The following DECR1 variants were observed in gnomAD, a reference collection of about 807,000 sequenced individuals.
DECR1 encodes the protein 2,4-dienoyl-CoA reductase 1, also known as 2,4-dienoyl-CoA reductase [(3E)-enoyl-CoA-producing], mitochondrial.
A neutral mutation model predicts 38.8 loss-of-function variants in DECR1; 44 were observed. The observed-to-expected ratio is 1.13, with a 90% CI of 0.89 to 1.46. The LOEUF (loss-of-function observed/expected upper bound fraction) is 1.46, where lower values mean the gene tolerates loss of function less well. DECR1 is among the 40% of genes most tolerant of loss of function. DECR1 has a pLI of 0.00. For synonymous variants in DECR1, 148 were observed against 135.2 expected, an observed-to-expected ratio of 1.09 and a Z score of -0.66; for missense variants, 428 against 405.5, an observed-to-expected ratio of 1.06 and a Z score of -0.48.
intron 6 of DECR1, among the ~76,000 whole-genome samples, chr8:90,039,018 G>A (rs1363674748): frequency 6.6e-6 from 1 of 152,098 alleles, no homozygotes; most frequent in African/African-American, 2.4e-5. Context: ...AACTGATTTG[G>A]TGCTGCTTTT....
chr8:90,021,032 A>G lies in DECR1; in HGVS notation c.541A>G (p.Lys181Glu). Residue 181 changes from lysine (K) to glutamate (E), a missense_variant, in exon 5 of 10, where the codon AAA (lysine) becomes GAA (glutamate). Coordinates refer to ENST00000220764, the MANE Select transcript of DECR1 (RefSeq NM_001359.2). ...AGCCTTCGTGACACTAGAAATTGGA[A>G]AACAACTAATTAAAGCACAGAAAGG... ...GTAFVTLEIGKQLIKAQKGAA... is the reference protein window; with the variant it reads ...GTAFVTLEIGEQLIKAQKGAA... 1 of 1,589,400 alleles carries G rather than the reference A, an allele frequency of 6.3e-7. No homozygotes were observed. Among genetic ancestry groups the G allele is most frequent in the South Asian group, 1.2e-5 (1 of 85,622 alleles).
Position 90,003,756 on chromosome 8 carries a change from A to G in DECR1, c.69+2195A>G, listed in dbSNP as rs901497878. ...AGAGATCAAGACTATCCTGGCCAACATGGTGAAACCCTGTCTCTAGTAAAA... is the reference window on the plus strand; with the variant it reads ...AGAGATCAAGACTATCCTGGCCAACGTGGTGAAACCCTGTCTCTAGTAAAA... On this transcript the variant is annotated intron_variant, in intron 1 of 9. Coordinates refer to ENST00000220764, the MANE Select transcript of DECR1 (RefSeq NM_001359.2). Among the ~76,000 whole-genome samples, 6 of 152,136 alleles carry G rather than the reference A, an allele frequency of 3.9e-5. 1 individual carries two copies. Among genetic ancestry groups the G allele is most frequent in the South Asian group, 4.1e-4 (2 of 4,824 alleles).
chr8:90,026,387 G>T (rs188083304), intron 5 of DECR1, among the ~76,000 whole-genome samples: 4 of 152,194 alleles, frequency 2.6e-5, no homozygotes, highest in African/African-American at 4.8e-5. Flanking sequence ...TTTAATTATT[G>T]CCTCAATTTC....
At chr8:90,048,368 C>T (rs946604922) in intron 8 of DECR1, among the ~76,000 whole-genome samples, 4 of 152,030 alleles carry the variant, frequency 2.6e-5, no homozygotes, top group African/African-American at 9.7e-5. Flanking sequence ...CCACCTATCC[C>T]ACAGAGATAC....
intron 8 of DECR1, among the ~76,000 whole-genome samples, chr8:90,046,556 A>T (rs1275556249): frequency 1.3e-5 from 2 of 152,238 alleles, no homozygotes; most frequent in African/African-American, 4.8e-5. Context: ...GACCAAATCT[A>T]CGTCTGATTG....
chr8:90,049,155 A>T (rs1253612839), intron 8 of DECR1, among the ~76,000 whole-genome samples: 5 of 152,232 alleles, frequency 3.3e-5, no homozygotes, highest in African/African-American at 1.2e-4. Context: ...CCTATTCAAC[A>T]TAGTGTTGGA....
chr8:90,020,686 T>C (rs926806932), intron 4 of DECR1, among the ~76,000 whole-genome samples: 1 of 152,196 alleles, frequency 6.6e-6, no homozygotes, highest in Admixed American at 6.5e-5. Context: ...AATAAGAGAA[T>C]CTACCCTAAT....
At chr8:90,015,736 C>A in intron 1 of DECR1, 1 of 448,018 alleles carries the variant, frequency 2.2e-6, no homozygotes, top group Non-Finnish European at 4.5e-6. Flanking sequence ...ACATAACCTC[C>A]CTGGTGTGAC....
At chr8:90,028,386 T>A (rs915478606) in intron 5 of DECR1, among the ~76,000 whole-genome samples, 14 of 152,016 alleles carry the variant, frequency 9.2e-5, no homozygotes, top group African/African-American at 3.4e-4. Context: ...TCTTAAAAAA[T>A]TTTTTTTGCT....
chr8:90,038,614 AC>A (rs763292405), intron 6 of DECR1, among the ~76,000 whole-genome samples: 17 of 151,862 alleles, frequency 1.1e-4, no homozygotes, highest in Non-Finnish European at 2.4e-4. Context: ...ATATGCCACC[AC>A]ACCTGGCTAA....
chr8:90,044,760 G>A, intron 7 of DECR1, 89 bp from the exon 8 acceptor site: 2 of 1,373,482 alleles, frequency 1.5e-6, no homozygotes, highest in Non-Finnish European at 2.0e-6. Flanking sequence ...CTGCATGGCA[G>A]CATGCCATTT....
chr8:90,012,156 CTT>C (rs1170178816), intron 1 of DECR1, among the ~76,000 whole-genome samples: 14 of 138,614 alleles, frequency 1.0e-4, no homozygotes, highest in Non-Finnish European at 9.5e-5. Flanking sequence ...CTTTTCTTTT[CTT>C]TTTTTTTTTT....
At chr8:90,037,809 C>A (rs766259501) in intron 6 of DECR1, among the ~76,000 whole-genome samples, 60 of 152,074 alleles carry the variant, frequency 3.9e-4, no homozygotes, top group Non-Finnish European at 7.6e-4. Flanking sequence ...TATAATGGGG[C>A]TTCTCATCAT....
intron 1 of DECR1, among the ~76,000 whole-genome samples, chr8:90,004,493 A>AT (rs1812693086): frequency 6.6e-6 from 1 of 152,202 alleles, no homozygotes; most frequent in Admixed American, 6.5e-5. Context: ...TTGGGTTAGC[A>AT]TTTGGTGTAT....
intron 5 of DECR1, among the ~76,000 whole-genome samples, chr8:90,034,422 ATTTG>A (rs1279429134): frequency 1.4e-3 from 218 of 151,926 alleles, no homozygotes; most frequent in Non-Finnish European, 6.8e-4. Flanking sequence ...TTAAGCCTTT[ATTTG>A]TTTATTTATT....
chr8:90,028,597 T>C (rs1325395218), intron 5 of DECR1, among the ~76,000 whole-genome samples: 1 of 152,130 alleles, frequency 6.6e-6, no homozygotes, highest in African/African-American at 2.4e-5. Context: ...TAACAGGTGT[T>C]GGAATACAGA....
At chr8:90,046,037 A>AT (rs758519636) in intron 8 of DECR1, among the ~76,000 whole-genome samples, 7 of 152,218 alleles carry the variant, frequency 4.6e-5, no homozygotes, top group Non-Finnish European at 1.0e-4. Context: ...TTTGTATGTC[A>AT]CCATCACGAA....
intron 5 of DECR1, among the ~76,000 whole-genome samples, chr8:90,028,371 A>G (rs745940752): frequency 6.6e-6 from 1 of 152,064 alleles, no homozygotes; most frequent in Middle Eastern, 3.4e-3. Flanking sequence ...AGATAAAACT[A>G]TTTTTCTTAA....
chr8:90,028,519 T>C (rs560738279), intron 5 of DECR1, among the ~76,000 whole-genome samples: 1 of 152,116 alleles, frequency 6.6e-6, no homozygotes, highest in South Asian at 2.1e-4. Flanking sequence ...GAATTCCTTA[T>C]ACCTAAGAAC....
Sources: allele counts gnomAD v4.1 joint callset (sites outside exome capture counted in the v4.1 genomes callset), GRCh38; gene constraint gnomAD v4.1.1; transcripts MANE v1.5; gene names NCBI Gene and HGNC (gene_info 2026-07-23, HGNC 2026-07-21).